EPHA6: variants seen among roughly 807,000 people sequenced by gnomAD.
The protein encoded by EPHA6 is ephrin type-A receptor 6.
A neutral mutation model predicts 112.0 loss-of-function variants in EPHA6; 50 were observed. The ratio of observed to expected loss-of-function variants is 0.45; its 90% CI spans 0.36 to 0.56. The LOEUF is 0.56. EPHA6 is among the 20% of genes least tolerant of loss of function. EPHA6 has a pLI of 0.00. For missense variants in EPHA6, 1,280 were observed against 1,417.4 expected, an observed-to-expected ratio of 0.90 and a Z score of 1.56; for synonymous variants, 529 against 490.7, an observed-to-expected ratio of 1.08 and a Z score of -1.03.
Position 97,760,413 on chromosome 3 carries a change from T to C in EPHA6, c.*11712T>C. ...ATGTATGTGTGTATGTGTGTATATA[T>C]ATCTCTCTAGGTTGTATGTAATTCA... On this transcript the variant is annotated 3_prime_UTR_variant, in exon 18 of 18. Transcript: ENST00000389672. 1 of 166,900 alleles carries C rather than the reference T, an allele frequency of 6.0e-6. No individual in the cohort carries two copies. The highest frequency in any genetic ancestry group is 1.3e-5 in the Non-Finnish European group (1 of 77,292). The allele number at this position is 166,900 out of a possible 1,614,324, so 10.3% of individuals were successfully genotyped here.
intron 7 of EPHA6, among the ~76,000 whole-genome samples, chr3:97,451,119 G>T (rs1321641111): frequency 6.6e-6 from 1 of 152,020 alleles, no homozygotes; most frequent in Admixed American, 6.6e-5. Context: ...TGAAGGTGGA[G>T]AGTTACACAG....
At chr3:97,121,341 A>G (rs2048035284) in intron 3 of EPHA6, among the ~76,000 whole-genome samples, 1 of 152,058 alleles carries the variant, frequency 6.6e-6, no homozygotes, top group Non-Finnish European at 1.5e-5. Context: ...AAATGACGCT[A>G]GAAATATGTT....
intron 3 of EPHA6, among the ~76,000 whole-genome samples, chr3:96,989,658 G>A (rs532020008): frequency 6.6e-6 from 1 of 152,180 alleles, no homozygotes; most frequent in East Asian, 1.9e-4. Context: ...AACACCTCAG[G>A]AAACTTACAA....
chr3:96,929,325 T>C lies in EPHA6; in HGVS notation c.451-58005T>C, dbSNP rs747660186. Among the ~76,000 whole-genome samples the C allele has an allele frequency of 2.8e-4, 43 of 152,174 alleles. 1 individual carries two copies. The highest frequency in any genetic ancestry group is 6.3e-3 in the Middle Eastern group (2 of 316). The stretch of plus-strand genomic sequence containing the variant: ...ACTTGTTTACATGGTTGCTTCAGAG[T>C]GTTGCTGCTTTGTGTACCTCAGTGT... On this transcript the variant is annotated intron_variant, in intron 2 of 17. Coordinates refer to ENST00000389672, the MANE Select transcript of EPHA6 (RefSeq NM_001080448.3).
intron 2 of EPHA6, among the ~76,000 whole-genome samples, chr3:96,975,342 C>A (rs564626308): frequency 6.6e-6 from 1 of 152,056 alleles, no homozygotes; most frequent in Non-Finnish European, 1.5e-5. Context: ...GTTTCTCCAC[C>A]CATACCATCT....
At chr3:97,011,693 T>G (rs908902864) in intron 3 of EPHA6, among the ~76,000 whole-genome samples, 1 of 152,220 alleles carries the variant, frequency 6.6e-6, no homozygotes, top group African/African-American at 2.4e-5. Flanking sequence ...TACATGCTGG[T>G]TTTGTGGGTA....
chr3:97,116,036 C>CT (rs2047877751), intron 3 of EPHA6, among the ~76,000 whole-genome samples: 1 of 151,656 alleles, frequency 6.6e-6, no homozygotes, highest in South Asian at 2.1e-4. Context: ...TGAGACGTTT[C>CT]TTTTTAATTT....
intron 10 of EPHA6, among the ~76,000 whole-genome samples, chr3:97,520,300 C>T (rs2092520195): frequency 6.6e-6 from 1 of 152,086 alleles, no homozygotes; most frequent in South Asian, 2.1e-4. Context: ...TCTCTTCTAC[C>T]AGTGGGTTTT....
chr3:96,907,991 G>T (rs1575998900), intron 2 of EPHA6, among the ~76,000 whole-genome samples: 1 of 151,890 alleles, frequency 6.6e-6, no homozygotes, highest in Non-Finnish European at 1.5e-5. Flanking sequence ...AACCTAGATG[G>T]TATACCTGGT....
At chr3:97,581,128 A>G (rs2093433781) in intron 11 of EPHA6, among the ~76,000 whole-genome samples, 2 of 152,192 alleles carry the variant, frequency 1.3e-5, no homozygotes, top group Non-Finnish European at 2.9e-5. Flanking sequence ...TCTTAAATAC[A>G]TAAATGAGAA....
At chr3:97,145,601 T>C (rs560930967) in intron 3 of EPHA6, among the ~76,000 whole-genome samples, 31 of 151,754 alleles carry the variant, frequency 2.0e-4, no homozygotes, top group African/African-American at 7.5e-4. Flanking sequence ...TACTACTTCT[T>C]ATTTTTACAA....
At chr3:97,288,778 G>GT (rs1197771912) in intron 5 of EPHA6, among the ~76,000 whole-genome samples, 1 of 149,620 alleles carries the variant, frequency 6.7e-6, no homozygotes, top group African/African-American at 2.5e-5. Context: ...TCTGACTGGT[G>GT]TAACATAGTA....
chr3:97,099,884 A>G (rs1208058214), intron 3 of EPHA6, among the ~76,000 whole-genome samples: 1 of 152,038 alleles, frequency 6.6e-6, no homozygotes, highest in African/African-American at 2.4e-5. Context: ...TGTAGTGTTT[A>G]CACTAATGAG....
chr3:97,115,885 C>A lies in EPHA6; in HGVS notation c.1115-110379C>A, dbSNP rs185213021. ...AACCATATCATCATCATGTGAAAAG[C>A]ACTTTTAAACAAAATCACCCTTATA... is the stretch of plus-strand genomic sequence containing the variant. On this transcript the variant is annotated intron_variant, in intron 3 of 17. Coordinates refer to ENST00000389672, the MANE Select transcript of EPHA6 (RefSeq NM_001080448.3). 1.6e-4 allele frequency among the ~76,000 whole-genome samples: 24 copies of A among 151,890 alleles called. No homozygotes were observed. The East Asian group carries it at 4.3e-3, about 27-fold the overall frequency.
chr3:97,220,771 C>T (rs1387889992), intron 3 of EPHA6, among the ~76,000 whole-genome samples: 1 of 152,094 alleles, frequency 6.6e-6, no homozygotes, highest in Non-Finnish European at 1.5e-5. Context: ...AAAGCCTAAC[C>T]AAATCAGTCT....
rs1362216870 is a variant in EPHA6 at position 97,002,830 on chromosome 3, G to A, written c.1114+14837G>A. On this transcript the variant is annotated intron_variant, in intron 3 of 17. Coordinates refer to ENST00000389672, the MANE Select transcript of EPHA6 (RefSeq NM_001080448.3). Reference sequence around the variant, plus strand: ...AATATTTAAAAAGAACAGTAAACTAGAAGAGTATTCCTGGCAGATATTAAA... The same window carrying A: ...AATATTTAAAAAGAACAGTAAACTAAAAGAGTATTCCTGGCAGATATTAAA... Among the ~76,000 whole-genome samples, 3 of 151,988 alleles carry A rather than the reference G, an allele frequency of 2.0e-5. No homozygotes were observed. The East Asian group carries it at 5.8e-4, about 29-fold the overall frequency.
chr3:97,132,494 G>A (rs1014605785), intron 3 of EPHA6, among the ~76,000 whole-genome samples: 1 of 151,962 alleles, frequency 6.6e-6, no homozygotes, highest in African/African-American at 2.4e-5. Flanking sequence ...TAGTAAAGTA[G>A]ATGGCTCCTT....
At chr3:97,569,734 C>T (rs570912400) in intron 11 of EPHA6, among the ~76,000 whole-genome samples, 2 of 152,278 alleles carry the variant, frequency 1.3e-5, no homozygotes, top group East Asian at 1.9e-4. Context: ...TTTGTGTCTG[C>T]ATATATTGAA....
intron 3 of EPHA6, among the ~76,000 whole-genome samples, chr3:97,134,401 T>C (rs1410924143): frequency 6.6e-6 from 1 of 152,106 alleles, no homozygotes; most frequent in African/African-American, 2.4e-5. Context: ...GATTTGGAAG[T>C]AATTGATTTT....
Sources: allele counts gnomAD v4.1 joint callset (sites outside exome capture counted in the v4.1 genomes callset), GRCh38; gene constraint gnomAD v4.1.1; transcripts MANE v1.5; gene names NCBI Gene and HGNC (gene_info 2026-07-23, HGNC 2026-07-21).